Variants in FTCDNL1 observed in about 807,000 individuals in gnomAD.
FTCDNL1 encodes formiminotransferase N-terminal subdomain-containing protein.
A neutral mutation model predicts 5.9 loss-of-function variants in FTCDNL1; 11 were observed. That is an observed-to-expected ratio of 1.87 (90% confidence interval 1.18 to 3.10). The LOEUF (loss-of-function observed/expected upper bound fraction) is 3.10, where lower values mean the gene tolerates loss of function less well. FTCDNL1 is among the 30% of genes most tolerant of loss of function. The pLI is 0.00. For missense variants in FTCDNL1, 115 were observed against 65.5 expected (o/e 1.76, Z -2.61); for synonymous variants, 58 against 24.8 (o/e 2.34, Z -3.99).
chr2:199,770,952 T>A (rs1698778894), intron 3 of FTCDNL1, among the ~76,000 whole-genome samples: 1 of 152,220 alleles, frequency 6.6e-6, no homozygotes, highest in Non-Finnish European at 1.5e-5. Flanking sequence ...CCAGCCCTGT[T>A]AGAGGCTGAG....
At chr2:199,698,434 C>A in the FTCDNL1 span, among the ~76,000 whole-genome samples, 1 of 152,156 alleles carries the variant, frequency 6.6e-6, no homozygotes, top group African/African-American at 2.4e-5. Context: ...ACGAAGTACA[C>A]TCTCAGACCA....
the FTCDNL1 span, among the ~76,000 whole-genome samples, chr2:199,696,736 A>G: frequency 6.6e-6 from 1 of 152,178 alleles, no homozygotes; most frequent in African/African-American, 2.4e-5. Context: ...TGGCAACTCA[A>G]AAAGCCAGAG....
the FTCDNL1 span, among the ~76,000 whole-genome samples, chr2:199,690,030 C>T: frequency 6.6e-6 from 1 of 152,120 alleles, no homozygotes; most frequent in African/African-American, 2.4e-5. Flanking sequence ...GTTCAAAACA[C>T]ACCTACTGCT....
At chr2:199,800,189 G>A (rs1559198259) in intron 3 of FTCDNL1, among the ~76,000 whole-genome samples, 1 of 152,106 alleles carries the variant, frequency 6.6e-6, no homozygotes, top group Non-Finnish European at 1.5e-5. Flanking sequence ...CTAGGAACTG[G>A]AGAGCAAAGG....
chr2:199,673,891 A>G, the FTCDNL1 span, among the ~76,000 whole-genome samples: 1 of 152,180 alleles, frequency 6.6e-6, no homozygotes, highest in East Asian at 1.9e-4. Context: ...AAACACAAAA[A>G]CATAAGCTTA....
intron 3 of FTCDNL1, among the ~76,000 whole-genome samples, chr2:199,761,239 G>C (rs1698255744): frequency 6.6e-6 from 1 of 152,140 alleles, no homozygotes; most frequent in African/African-American, 2.4e-5. Flanking sequence ...TCCCAGCCAG[G>C]GCCACATCAG....
chr2:199,710,839 TTC>T, the FTCDNL1 span, among the ~76,000 whole-genome samples: 1 of 152,328 alleles, frequency 6.6e-6, no homozygotes, highest in East Asian at 1.9e-4. Flanking sequence ...TGAGAAAGTC[TTC>T]TCTTTGCTTT....
chr2:199,765,526 T>C (rs1215087672), intron 3 of FTCDNL1, among the ~76,000 whole-genome samples: 1 of 134,288 alleles, frequency 7.4e-6, no homozygotes. Flanking sequence ...CTCTTTTTTG[T>C]CTTCATTATA....
At chr2:199,676,011 C>A in the FTCDNL1 span, among the ~76,000 whole-genome samples, 4 of 152,162 alleles carry the variant, frequency 2.6e-5, no homozygotes, top group African/African-American at 7.2e-5. Flanking sequence ...CTTAGCATCC[C>A]AACGTGCTGG....
At chr2:199,735,115 G>GAAAAAAAAA in the FTCDNL1 span, among the ~76,000 whole-genome samples, 865 of 81,500 alleles carry the variant, frequency 0.011, 21 homozygotes, top group East Asian at 0.028. Context: ...ACTACCTTTA[G>GAAAAAAAAA]AAAAAAAAAA....
At chr2:199,819,538 A>AAC (rs1361844001) in intron 4 of FTCDNL1, 34 bp downstream of exon 4, 1 of 682,034 alleles carries the variant, frequency 1.5e-6, no homozygotes, top group African/African-American at 1.8e-5. Flanking sequence ...AAAAAAAAAA[A>AAC]AAAACAGAGC....
downstream of FTCDNL1, among the ~76,000 whole-genome samples, chr2:199,806,876 G>A (rs576960798): frequency 4.6e-5 from 7 of 152,274 alleles, no homozygotes; most frequent in South Asian, 1.0e-3. Flanking sequence ...AAAACACAAA[G>A]GGGCTGATAG....
chr2:199,762,282 G>A (rs1326651748), intron 3 of FTCDNL1, among the ~76,000 whole-genome samples: 1 of 152,138 alleles, frequency 6.6e-6, no homozygotes, highest in Non-Finnish European at 1.5e-5. Context: ...AGGAGGCTGA[G>A]GCAGGAGAAT....
the FTCDNL1 span, among the ~76,000 whole-genome samples, chr2:199,736,724 T>C: frequency 6.6e-6 from 1 of 152,246 alleles, no homozygotes; most frequent in South Asian, 2.1e-4. Flanking sequence ...TCATTCGGCA[T>C]CACAGTAGTG....
downstream of FTCDNL1, among the ~76,000 whole-genome samples, chr2:199,760,356 G>A (rs987030499): frequency 5.9e-5 from 9 of 152,194 alleles, no homozygotes; most frequent in African/African-American, 2.2e-4. Flanking sequence ...TAACTGGAAA[G>A]AGGTTCAGAG....
chr2:199,766,843 C>T (rs1353793603), intron 3 of FTCDNL1, among the ~76,000 whole-genome samples: 1 of 151,966 alleles, frequency 6.6e-6, no homozygotes, highest in Non-Finnish European at 1.5e-5. Flanking sequence ...TCACTTCCAG[C>T]AATGTTTTCT....
intron 3 of FTCDNL1, among the ~76,000 whole-genome samples, chr2:199,799,942 AT>A (rs1295824945): frequency 6.6e-6 from 1 of 151,876 alleles, no homozygotes; most frequent in Non-Finnish European, 1.5e-5. Flanking sequence ...TATTCACTGA[AT>A]ACCCAGAGTT....
intron 3 of FTCDNL1, among the ~76,000 whole-genome samples, chr2:199,780,663 A>G (rs34142673): frequency 0.53 from 81,301 of 152,062 alleles, 22,754 homozygotes; most frequent in East Asian, 0.64. Flanking sequence ...GCAAAGTAGC[A>G]CACACCCTCA....
intron 3 of FTCDNL1, among the ~76,000 whole-genome samples, chr2:199,831,093 G>A (rs1343349467): frequency 6.6e-6 from 1 of 152,106 alleles, no homozygotes; most frequent in African/African-American, 2.4e-5. Context: ...ACCACGATAG[G>A]CTGATAACAA....
Sources: allele counts gnomAD v4.1 joint callset (sites outside exome capture counted in the v4.1 genomes callset), GRCh38; gene constraint gnomAD v4.1.1; transcripts MANE v1.5; gene names NCBI Gene and HGNC (gene_info 2026-07-23, HGNC 2026-07-21).